MTA3: variants seen among roughly 807,000 people sequenced by gnomAD.
The protein encoded by MTA3 is metastasis associated 1 family member 3.
A neutral mutation model predicts 83.5 loss-of-function variants in MTA3; 34 were observed. The observed-to-expected ratio is 0.41, with a 90% confidence interval of 0.31 to 0.54. MTA3 has a LOEUF of 0.54. MTA3 is among the 20% of genes least tolerant of loss of function. MTA3 has a pLI of 0.33. For synonymous variants in MTA3, 303 were observed against 252.7 expected, an observed-to-expected ratio of 1.20 and a Z score of -1.89; for missense variants, 761 against 726.4, an observed-to-expected ratio of 1.05 and a Z score of -0.55.
At chr2:42,638,992 A>AT (rs1480428260) in intron 4 of MTA3, among the ~76,000 whole-genome samples, 2 of 149,658 alleles carry the variant, frequency 1.3e-5, no homozygotes, top group Non-Finnish European at 3.0e-5. Flanking sequence ...GCTCTTGGTA[A>AT]TTTTTTTCTT....
intron 2 of MTA3, among the ~76,000 whole-genome samples, chr2:42,534,820 C>T (rs1288453210): frequency 2.0e-5 from 3 of 151,978 alleles, no homozygotes; most frequent in Admixed American, 2.0e-4. Context: ...AATGGGGTCT[C>T]ACTGTGTTGC....
intron 4 of MTA3, among the ~76,000 whole-genome samples, chr2:42,622,304 G>A (rs1467332017): frequency 6.6e-5 from 10 of 151,996 alleles, no homozygotes; most frequent in Admixed American, 1.3e-4. Context: ...CACTCAGCAG[G>A]CTGAGGCAGG....
chr2:42,561,254 G>C (rs1487520613), intron 2 of MTA3, among the ~76,000 whole-genome samples: 2 of 151,440 alleles, frequency 1.3e-5, no homozygotes, highest in African/African-American at 2.4e-5. Context: ...ATCACTTTTT[G>C]TTCTCTGATC....
At chr2:42,505,879 C>T (rs1370802611) in intron 2 of MTA3, among the ~76,000 whole-genome samples, 2 of 151,486 alleles carry the variant, frequency 1.3e-5, no homozygotes, top group African/African-American at 4.9e-5. Flanking sequence ...AGTGATTCTC[C>T]TGTCTCAGCC....
intron 16 of MTA3, among the ~76,000 whole-genome samples, chr2:42,726,966 G>T (rs1453584132): frequency 6.6e-6 from 1 of 152,210 alleles, no homozygotes; most frequent in African/African-American, 2.4e-5. Flanking sequence ...GCCAAAGCGG[G>T]AGGCTCACTT....
At chr2:42,531,667 G>A (rs1403179445) in intron 2 of MTA3, among the ~76,000 whole-genome samples, 5 of 151,432 alleles carry the variant, frequency 3.3e-5, no homozygotes, top group Middle Eastern at 3.4e-3. Flanking sequence ...TGGCCAGGCT[G>A]GTCTCAAACT....
intron 16 of MTA3, among the ~76,000 whole-genome samples, chr2:42,731,937 T>C (rs1668258749): frequency 3.3e-5 from 5 of 152,112 alleles, no homozygotes; most frequent in Admixed American, 3.3e-4. Flanking sequence ...AACAAAGGGG[T>C]TATAGAGCCC....
chr2:42,547,879 C>T (rs944294317), intron 2 of MTA3, among the ~76,000 whole-genome samples: 6 of 151,432 alleles, frequency 4.0e-5, no homozygotes, highest in Admixed American at 2.6e-4. Context: ...GCTATTGTTA[C>T]AGGTGCATAC....
chr2:42,577,979 C>T (rs937622851), intron 2 of MTA3, among the ~76,000 whole-genome samples: 3 of 152,106 alleles, frequency 2.0e-5, no homozygotes, highest in African/African-American at 4.8e-5. Flanking sequence ...TGTATTTGAT[C>T]ACAATATTAT....
chr2:42,702,026 C>T (rs993524047), intron 11 of MTA3, among the ~76,000 whole-genome samples: 7 of 152,296 alleles, frequency 4.6e-5, no homozygotes, highest in African/African-American at 1.4e-4. Context: ...GCCTGGCCAA[C>T]ATGGTGAAAC....
intron 8 of MTA3, among the ~76,000 whole-genome samples, chr2:42,669,991 A>T (rs982890611): frequency 6.6e-5 from 10 of 152,196 alleles, no homozygotes; most frequent in African/African-American, 2.4e-4. Flanking sequence ...CTAGCTGGGC[A>T]TGGTGGCTCA....
At chr2:42,678,748 C>T (rs145405298) in intron 8 of MTA3, among the ~76,000 whole-genome samples, 2 of 152,106 alleles carry the variant, frequency 1.3e-5, no homozygotes, top group Non-Finnish European at 2.9e-5. Flanking sequence ...TAATCTATAC[C>T]CTTATCATTA....
rs1352855055 is a variant in MTA3, at chr2:42,611,330, C to CACACACAT, written c.317+1753_317+1754insTACACACA. 2.6e-5 allele frequency among the ~76,000 whole-genome samples: 4 copies of CACACACAT among 151,584 alleles called. No homozygotes were observed. The East Asian group carries it at 5.8e-4, about 22-fold the overall frequency. ...CTCTGGTACTTAACACATACACACA[C>CACACACAT]ACACACACACCCCCTCACACACATG... On this transcript the variant is annotated intron_variant, in intron 4 of 16. Transcript: ENST00000405094.
intron 2 of MTA3, among the ~76,000 whole-genome samples, chr2:42,512,640 A>G (rs1674957131): frequency 6.6e-6 from 1 of 152,202 alleles, no homozygotes. Context: ...AAAGAAGAAA[A>G]TAAGCTTACC....
At chr2:42,547,827 G>A (rs1442066398) in intron 2 of MTA3, among the ~76,000 whole-genome samples, 1 of 149,462 alleles carries the variant, frequency 6.7e-6, no homozygotes, top group African/African-American at 2.5e-5. Flanking sequence ...GCTTTAACGC[G>A]ACTAAGAAAA....
chr2:42,659,900 T>C (rs1295894760), intron 8 of MTA3, 38 bp downstream of exon 8: 8 of 1,494,556 alleles, frequency 5.4e-6, no homozygotes, highest in Non-Finnish European at 7.3e-6. Context: ...TATTTATCCT[T>C]CTGTTACTTG....
chr2:42,638,644 G>C (rs982260858), intron 4 of MTA3, among the ~76,000 whole-genome samples: 2 of 151,990 alleles, frequency 1.3e-5, no homozygotes. Flanking sequence ...TGAGATTACA[G>C]GTGTGAGCTG....
intron 2 of MTA3, among the ~76,000 whole-genome samples, chr2:42,529,684 A>C (rs1282040313): frequency 6.6e-6 from 1 of 152,208 alleles, no homozygotes; most frequent in East Asian, 1.9e-4. Flanking sequence ...TGTGACCAGC[A>C]GTGAGGTATT....
chr2:42,729,868 T>C lies in MTA3; in HGVS notation c.1759+6833T>C, dbSNP rs565603478. Among the ~76,000 whole-genome samples, 53 of 152,350 alleles carry C rather than the reference T, an allele frequency of 3.5e-4. 1 individual carries two copies. The highest frequency in any genetic ancestry group is 1.2e-3 in the African/African-American group (51 of 41,584). ...TTTGATAGGCATTGCATTGAATCCA[T>C]AGATTGCTTTGAGTTAGTATGGACA... On this transcript the variant is annotated intron_variant, in intron 16 of 16. Coordinates refer to ENST00000405094, the MANE Select transcript of MTA3 (RefSeq NM_001330442.2).
Sources: gnomAD v4.1 joint callset for allele counts (sites outside exome capture counted in the v4.1 genomes callset) on GRCh38, gnomAD v4.1.1 for gene constraint, MANE v1.5 for transcripts, NCBI Gene and HGNC (gene_info 2026-07-23, HGNC 2026-07-21) for gene names.